DLG2: variants seen among roughly 807,000 people sequenced by gnomAD.
DLG2 encodes the protein disks large homolog 2.
DLG2 carries 45 observed loss-of-function variants against 132.5 expected under a neutral mutation model. That is an observed-to-expected ratio of 0.34 (90% CI 0.27 to 0.44). DLG2 has a LOEUF of 0.44. DLG2 is among the 20% of genes least tolerant of loss of function. The probability of loss-of-function intolerance (pLI) is 1.00; values close to 1 mark genes in which losing one functional copy is unlikely to be tolerated. For missense variants in DLG2, 1,045 were observed against 1,196.9 expected (o/e 0.87, Z 1.87); for synonymous variants, 424 against 419.6 (o/e 1.01, Z -0.13).
chr11:85,407,080 A>G (rs1413428797), intron 3 of DLG2, among the ~76,000 whole-genome samples: 1 of 151,896 alleles, frequency 6.6e-6, no homozygotes, highest in Non-Finnish European at 1.5e-5. Context: ...GAAAAGCCCA[A>G]TGACCAGTAT....
chr11:83,751,365 G>C (rs1389855313), intron 18 of DLG2, among the ~76,000 whole-genome samples: 3 of 152,118 alleles, frequency 2.0e-5, no homozygotes, highest in Non-Finnish European at 4.4e-5. Context: ...TAGGAGCTTA[G>C]AGGTCAATAT....
At chr11:83,637,022 T>A (rs1345439649) in intron 18 of DLG2, among the ~76,000 whole-genome samples, 4 of 152,144 alleles carry the variant, frequency 2.6e-5, no homozygotes, top group African/African-American at 9.7e-5. Context: ...TTTATAAATA[T>A]AAATGGTGCA....
intron 7 of DLG2, among the ~76,000 whole-genome samples, chr11:84,511,840 A>G (rs1486284987): frequency 6.6e-6 from 1 of 152,164 alleles, no homozygotes; most frequent in Admixed American, 6.6e-5. Flanking sequence ...TTCTGATTCA[A>G]TACAACTAAA....
intron 18 of DLG2, 179 bp downstream of exon 18, chr11:83,786,511 G>A: frequency 1.8e-6 from 1 of 556,110 alleles, no homozygotes; most frequent in Non-Finnish European, 3.2e-6. Flanking sequence ...TTTCCTGGAA[G>A]ATTAGAGGTA....
intron 10 of DLG2, among the ~76,000 whole-genome samples, chr11:84,079,581 C>G (rs918185784): frequency 2.6e-5 from 4 of 152,190 alleles, no homozygotes; most frequent in Admixed American, 2.0e-4. Flanking sequence ...CCGTGTCCAG[C>G]CCTACAACAG....
intron 9 of DLG2, among the ~76,000 whole-genome samples, chr11:84,130,510 A>G (rs977030476): frequency 4.2e-5 from 5 of 117,824 alleles, no homozygotes; most frequent in African/African-American, 1.9e-4. Flanking sequence ...ATATATACAC[A>G]CACACACACA....
chr11:84,182,406 C>G (rs2096157355), intron 8 of DLG2, among the ~76,000 whole-genome samples: 1 of 151,724 alleles, frequency 6.6e-6, no homozygotes, highest in South Asian at 2.1e-4. Flanking sequence ...TGGCTTGTGC[C>G]TGTGGTCCCA....
chr11:84,474,543 T>C (rs562767900), intron 7 of DLG2, among the ~76,000 whole-genome samples: 1 of 152,170 alleles, frequency 6.6e-6, no homozygotes, highest in South Asian at 2.1e-4. Context: ...CCAACTCCTA[T>C]AGACAATATA....
intron 3 of DLG2, among the ~76,000 whole-genome samples, chr11:85,461,700 A>C (rs1421597517): frequency 2.6e-5 from 4 of 152,238 alleles, no homozygotes; most frequent in Non-Finnish European, 5.9e-5. Context: ...GCAGCAAAAA[A>C]GGAGACGGAA....
At chr11:85,100,870 C>G (rs775495126) in intron 6 of DLG2, among the ~76,000 whole-genome samples, 5 of 152,068 alleles carry the variant, frequency 3.3e-5, no homozygotes, top group Admixed American at 6.6e-5. Flanking sequence ...CGTGAATCAT[C>G]CTGAGAATTA....
chr11:84,231,497 AG>A (rs142846412), intron 8 of DLG2, among the ~76,000 whole-genome samples: 1,561 of 152,266 alleles, frequency 0.01, 7 homozygotes, highest in Middle Eastern at 0.02. Context: ...GACGGGTAGG[AG>A]ATTATCAGGT....
chr11:85,024,055 G>C (rs2060306332), intron 6 of DLG2, among the ~76,000 whole-genome samples: 1 of 152,090 alleles, frequency 6.6e-6, no homozygotes, highest in Non-Finnish European at 1.5e-5. Flanking sequence ...TATATACACT[G>C]TTCTAAGATT....
intron 4 of DLG2, among the ~76,000 whole-genome samples, chr11:85,250,926 T>A (rs1025708889): frequency 6.6e-6 from 1 of 152,192 alleles, no homozygotes; most frequent in Admixed American, 6.5e-5. Context: ...TCTCCTCCAT[T>A]ATATTTTCCT....
chr11:84,742,318 C>T (rs2064789807), intron 6 of DLG2, among the ~76,000 whole-genome samples: 1 of 152,104 alleles, frequency 6.6e-6, no homozygotes, highest in Admixed American at 6.5e-5. Context: ...ATATATTAAA[C>T]CCAAATATGT....
At chr11:84,579,861 C>A (rs899354329) in intron 6 of DLG2, among the ~76,000 whole-genome samples, 1 of 152,128 alleles carries the variant, frequency 6.6e-6, no homozygotes. Flanking sequence ...CAGATGGAGG[C>A]ATACTTGACA....
chr11:83,580,158 TC>T (rs1434156872), intron 19 of DLG2, among the ~76,000 whole-genome samples: 1 of 151,006 alleles, frequency 6.6e-6, no homozygotes, highest in East Asian at 1.9e-4. Context: ...TATTCATTGA[TC>T]TTTTTTGTGC....
At chr11:85,606,462 G>C (rs536808431) in intron 2 of DLG2, among the ~76,000 whole-genome samples, 1 of 152,176 alleles carries the variant, frequency 6.6e-6, no homozygotes, top group South Asian at 2.1e-4. Flanking sequence ...ATCAGCACTT[G>C]GTAAAAACGG....
intron 7 of DLG2, among the ~76,000 whole-genome samples, chr11:84,324,021 C>T (rs994018149): frequency 6.6e-6 from 1 of 152,038 alleles, no homozygotes; most frequent in African/African-American, 2.4e-5. Context: ...CCTTTTCACT[C>T]TCTTTATCGT....
intron 6 of DLG2, among the ~76,000 whole-genome samples, chr11:85,012,710 T>C (rs761965961): frequency 3.3e-5 from 5 of 152,144 alleles, no homozygotes; most frequent in Admixed American, 6.6e-5. Flanking sequence ...TAAAATACCA[T>C]AGAAAGAAGG....
Sources: gnomAD v4.1 joint callset for allele counts (sites outside exome capture counted in the v4.1 genomes callset) on GRCh38, gnomAD v4.1.1 for gene constraint, MANE v1.5 for transcripts, NCBI Gene and HGNC (gene_info 2026-07-23, HGNC 2026-07-21) for gene names.